The following ZFR variants were observed in gnomAD, a reference collection of about 807,000 sequenced individuals.
ZFR encodes zinc finger RNA-binding protein.
A neutral mutation model predicts 130.7 loss-of-function variants in ZFR; 19 were observed. That is an observed-to-expected ratio of 0.15 (90% CI 0.10 to 0.21). ZFR has a LOEUF of 0.21. Among genes scored for constraint, ZFR ranks in the 10% least tolerant of loss-of-function variants. The pLI, the probability that ZFR is intolerant of heterozygous loss-of-function variation, is 1.00. For synonymous variants in ZFR, 466 were observed against 456.9 expected (o/e 1.02, Z -0.25); for missense variants, 872 against 1,321.5 (o/e 0.66, Z 5.27).
At chr5:32,426,800 G>C (rs1308091233) in intron 2 of ZFR, among the ~76,000 whole-genome samples, 1 of 151,962 alleles carries the variant, frequency 6.6e-6, no homozygotes, top group African/African-American at 2.4e-5. Context: ...CTACTTGGGA[G>C]GCTGAAGCAC....
chr5:32,397,440 G>A (rs967384003), intron 9 of ZFR, 102 bp from the exon 10 acceptor site: 220 of 1,415,304 alleles, frequency 1.6e-4, no homozygotes, highest in Non-Finnish European at 2.0e-4. Flanking sequence ...TTAGAAAGAA[G>A]TGGCAATGTC....
chr5:32,372,298 T>C (rs1345503320), intron 17 of ZFR, among the ~76,000 whole-genome samples: 2 of 152,198 alleles, frequency 1.3e-5, no homozygotes, highest in Non-Finnish European at 2.9e-5. Context: ...ATATATTCTG[T>C]AGGGACTTTG....
intron 17 of ZFR, among the ~76,000 whole-genome samples, chr5:32,371,610 CAGA>C (rs1355495980): frequency 6.6e-6 from 1 of 151,880 alleles, no homozygotes; most frequent in African/African-American, 2.4e-5. Context: ...TAAGCAGTTT[CAGA>C]AGAAATTTTC....
Position 32,380,138 on chromosome 5 carries a change from G to A in ZFR, c.2676C>T (p.Asp892=). ...CAAGGCATTTTTGCCTGTCCAAGAC[G>A]TCCGGTGGGTCTTTCACCATACCCG... The part of the protein sequence containing the change: ...VTSGMVKDPP[D]VLDRQKCLDA... Residue 892 remains aspartate (D), a synonymous_variant, in exon 16 of 20, where the codon GAC becomes GAT. Coordinates refer to ENST00000265069, the MANE Select transcript of ZFR (RefSeq NM_016107.5). The A allele has an allele frequency of 1.9e-6, 3 of 1,614,100 alleles. No homozygotes were observed. The highest frequency in any genetic ancestry group is 2.5e-6 in the Non-Finnish European group (3 of 1,179,964).
At chr5:32,379,517 G>C in intron 16 of ZFR, 1 of 287,688 alleles carries the variant, frequency 3.5e-6, no homozygotes, top group South Asian at 3.7e-5. Flanking sequence ...GCCTACATTA[G>C]AAATAAAAGA....
At position 32,406,865 on chromosome 5, in the gene ZFR, A is replaced by G. The variant is rs758736036; in HGVS notation, c.941T>C (p.Phe314Ser). Residue 314 changes from phenylalanine (F) to serine (S), a missense_variant, in exon 6 of 20, where the codon TTC (phenylalanine) becomes TCC (serine). This residue lies in a region of ZFR where 240 missense variants were observed against 441.2 expected (regional missense o/e 0.54). Coordinates refer to ENST00000265069, the MANE Select transcript of ZFR (RefSeq NM_016107.5). The stretch of plus-strand genomic sequence containing the variant: ...TTTTGGTTTCAGTTGTTTATTTTGG[A>G]ATGGTGCTTTTTTAGTAAAGGTGGT... The part of the protein sequence containing the change: ...TGTTFTKKAP[F>S]QNKQLKPKQP... 5.6e-6 allele frequency: 9 copies of G among 1,613,804 alleles called. No individual in the cohort carries two copies. The highest frequency in any genetic ancestry group is 1.3e-5 in the African/African-American group (1 of 74,860).
At chr5:32,428,863 T>C (rs1754134444) in intron 2 of ZFR, among the ~76,000 whole-genome samples, 1 of 151,884 alleles carries the variant, frequency 6.6e-6, no homozygotes, top group South Asian at 2.1e-4. Context: ...TGCACAAATA[T>C]CACTTTCCGT....
At chr5:32,399,475 TCTG>T (rs779704843) in intron 9 of ZFR, among the ~76,000 whole-genome samples, 4 of 152,228 alleles carry the variant, frequency 2.6e-5, no homozygotes, top group Non-Finnish European at 5.9e-5. Context: ...TGTATGTCTT[TCTG>T]CTAACAGCAG....
chr5:32,423,474 G>A (rs1754000867), intron 2 of ZFR, among the ~76,000 whole-genome samples: 1 of 152,002 alleles, frequency 6.6e-6, no homozygotes, highest in South Asian at 2.1e-4. Context: ...GGCCACAGAT[G>A]AGAATTTTCA....
At chr5:32,423,944 A>G (rs1754011237) in intron 2 of ZFR, among the ~76,000 whole-genome samples, 1 of 152,214 alleles carries the variant, frequency 6.6e-6, no homozygotes, top group South Asian at 2.1e-4. Context: ...GAGGCAGAAT[A>G]AAGATTTTTT....
chr5:32,417,249 C>T (rs909068862), intron 4 of ZFR, among the ~76,000 whole-genome samples: 2 of 152,116 alleles, frequency 1.3e-5, no homozygotes, highest in Non-Finnish European at 2.9e-5. Context: ...ACAGAACCAA[C>T]TGTCATTAGC....
chr5:32,388,329 A>G lies in ZFR; in HGVS notation c.2348+140T>C. 3 of 781,878 alleles carry G rather than the reference A, an allele frequency of 3.8e-6. No homozygotes were observed. The South Asian group carries it at 5.8e-5, about 15-fold the overall frequency. 48.4% of individuals were successfully genotyped at this position (781,878 alleles called of 1,614,324 possible). On this transcript the variant is annotated intron_variant, in intron 13 of 19. Transcript: ENST00000265069. ...CTATTTTTGCAAGCAGCTGCAGAATACATGAAATATCGAACACAGGCATGG... is the reference window on the plus strand; with the variant it reads ...CTATTTTTGCAAGCAGCTGCAGAATGCATGAAATATCGAACACAGGCATGG...
At chr5:32,377,865 T>C (rs777213693) in intron 17 of ZFR, among the ~76,000 whole-genome samples, 16 of 152,016 alleles carry the variant, frequency 1.1e-4, no homozygotes, top group Non-Finnish European at 1.9e-4. Flanking sequence ...CTAATTGTTG[T>C]ATTATTAGTA....
chr5:32,434,542 G>C (rs1268848154), intron 2 of ZFR, among the ~76,000 whole-genome samples: 1 of 152,114 alleles, frequency 6.6e-6, no homozygotes, highest in Non-Finnish European at 1.5e-5. Context: ...TGATACTTGG[G>C]CAATGCAATA....
rs767414230 is a variant in ZFR at position 32,420,012 on chromosome 5, T to C, written c.229A>G (p.Thr77Ala). The stretch of plus-strand genomic sequence containing the variant: ...GCGGCTGCTGGTGCATAGGCAGCAG[T>C]AACTGTGTGAGCAGCTACTGGAGCC... Reference protein sequence around the residue: ...HQAPVAAHTVTAAYAPAAATV... With the variant: ...HQAPVAAHTVAAAYAPAAATV... The change falls in exon 3 of 20, where the codon ACT becomes GCT. Residue 77 changes from threonine (T) to alanine (A), a missense_variant. By Grantham distance (58) the Thr-to-Ala change is moderately conservative. This residue lies in a region of ZFR where 240 missense variants were observed against 441.2 expected (regional missense o/e 0.54). Coordinates refer to ENST00000265069, the MANE Select transcript of ZFR (RefSeq NM_016107.5). The C allele has an allele frequency of 1.2e-6, 2 of 1,613,708 alleles. No homozygotes were observed. Among genetic ancestry groups the C allele is most frequent in the African/African-American group, 1.3e-5 (1 of 74,918 alleles).
chr5:32,406,661 G>T, intron 6 of ZFR, 113 bp downstream of exon 6: 2 of 1,399,714 alleles, frequency 1.4e-6, no homozygotes, highest in Non-Finnish European at 1.9e-6. Flanking sequence ...AAATGCACTG[G>T]CTAAAAGCTA....
rs1045462455 is a variant in ZFR at position 32,407,290 on chromosome 5, T to G, written c.785-269A>C. Among the ~76,000 whole-genome samples, 3 of 151,708 alleles carry G rather than the reference T, an allele frequency of 2.0e-5. No homozygotes were observed. The Admixed American group carries it at 2.0e-4, about 10-fold the overall frequency. ...GCCTTGAAGAACCTTATAGTTTAATTGGAGAGATGTGATAGTGTGTTTGAC... is the reference window on the plus strand; with the variant it reads ...GCCTTGAAGAACCTTATAGTTTAATGGGAGAGATGTGATAGTGTGTTTGAC... On this transcript the variant is annotated intron_variant, in intron 5 of 19. Transcript: ENST00000265069.
chr5:32,410,741 T>C (rs768671036), intron 5 of ZFR, among the ~76,000 whole-genome samples: 1 of 152,210 alleles, frequency 6.6e-6, no homozygotes, highest in Non-Finnish European at 1.5e-5. Flanking sequence ...ATTTGGTAGG[T>C]AGCAATACTC....
At chr5:32,370,903 C>T (rs17436575) in intron 17 of ZFR, among the ~76,000 whole-genome samples, 41,369 of 152,180 alleles carry the variant, frequency 0.27, 6,545 homozygotes, top group Middle Eastern at 0.44. Context: ...GCCACAAAAG[C>T]AGGCATTGTT....
Sources: allele counts gnomAD v4.1 joint callset (sites outside exome capture counted in the v4.1 genomes callset), GRCh38; gene constraint gnomAD v4.1.1; regional missense constraint gnomAD v4.1.1; transcripts MANE v1.5; gene names NCBI Gene and HGNC (gene_info 2026-07-23, HGNC 2026-07-21).